The following NGF variants were observed in gnomAD, a reference collection of about 807,000 sequenced individuals.
The protein encoded by NGF is nerve growth factor.
Under a neutral mutation model 12.8 loss-of-function variants are expected in NGF, and 4 were observed. That is an observed-to-expected ratio of 0.31 (90% CI 0.15 to 0.72). The LOEUF (loss-of-function observed/expected upper bound fraction) is 0.72, where lower values mean the gene tolerates loss of function less well. Among genes scored for constraint, NGF ranks in the 30% least tolerant of loss-of-function variants. NGF has a pLI of 0.69. For synonymous variants in NGF, 140 were observed against 130.0 expected, an observed-to-expected ratio of 1.08 and a Z score of -0.52; for missense variants, 283 against 330.8, an observed-to-expected ratio of 0.86 and a Z score of 1.12.
At chr1:115,293,525 T>C (rs1388625351) in intron 2 of NGF, 102 bp downstream of exon 2, 2 of 152,566 alleles carry the variant, frequency 1.3e-5, no homozygotes, top group Admixed American at 6.5e-5. Flanking sequence ...TGCTCAGCAG[T>C]TGGTTCTGAC....
At chr1:115,318,365 T>C (rs1033172332) in intron 1 of NGF, among the ~76,000 whole-genome samples, 2 of 152,088 alleles carry the variant, frequency 1.3e-5, no homozygotes, top group Admixed American at 6.5e-5. Flanking sequence ...ACTCTCACTG[T>C]CTGGGCCAGG....
chr1:115,336,414 A>ATG (rs1364647366), intron 1 of NGF, among the ~76,000 whole-genome samples: 2 of 151,142 alleles, frequency 1.3e-5, no homozygotes, highest in Non-Finnish European at 3.0e-5. Flanking sequence ...GTTTGGCAAC[A>ATG]TGTGGCATTA....
intron 1 of NGF, among the ~76,000 whole-genome samples, chr1:115,337,173 G>C (rs991402587): frequency 2.0e-5 from 3 of 150,132 alleles, no homozygotes; most frequent in Non-Finnish European, 2.9e-5. Context: ...TAGCAAGCAG[G>C]CTCTTTTTTA....
At chr1:115,305,129 A>T (rs185392195) in intron 1 of NGF, among the ~76,000 whole-genome samples, 1 of 152,242 alleles carries the variant, frequency 6.6e-6, no homozygotes, top group African/African-American at 2.4e-5. Context: ...GTCCATTAGC[A>T]TAAACTGTGG....
chr1:115,329,983 T>C (rs1235924415), intron 1 of NGF, among the ~76,000 whole-genome samples: 1 of 152,148 alleles, frequency 6.6e-6, no homozygotes, highest in African/African-American at 2.4e-5. Context: ...CTTAAACTCC[T>C]GTCCTCAAGT....
Position 115,286,773 on chromosome 1 carries a change from A to G in NGF, c.23T>C (p.Leu8Pro). MSMLFYT[L>P]ITAFLIGIQA... ...TATGCCGATCAGAAAAGCTGTGATCAGAGTGTAGAACAACATGGACATTAC... is the reference window on the plus strand; with the variant it reads ...TATGCCGATCAGAAAAGCTGTGATCGGAGTGTAGAACAACATGGACATTAC... Residue 8 changes from leucine to proline, a missense_variant, in exon 3 of 3, where the codon CTG (leucine) becomes CCG (proline). Transcript: ENST00000369512. The G allele has an allele frequency of 6.2e-7, 1 of 1,614,216 alleles. No homozygotes were observed. Among genetic ancestry groups the G allele is most frequent in the Non-Finnish European group, 8.5e-7 (1 of 1,180,040 alleles).
At chr1:115,294,667 G>A (rs2101027113) in intron 1 of NGF, among the ~76,000 whole-genome samples, 1 of 152,372 alleles carries the variant, frequency 6.6e-6, no homozygotes, top group South Asian at 2.1e-4. Flanking sequence ...AGGACGCTCA[G>A]CGAGGAGCTC....
intron 1 of NGF, among the ~76,000 whole-genome samples, chr1:115,330,466 G>T (rs1654887628): frequency 6.6e-6 from 1 of 152,180 alleles, no homozygotes; most frequent in South Asian, 2.1e-4. Context: ...AAACATGCAA[G>T]GTGTTGTGGT....
At chr1:115,292,607 G>A (rs1653737621) in intron 2 of NGF, among the ~76,000 whole-genome samples, 1 of 152,164 alleles carries the variant, frequency 6.6e-6, no homozygotes, top group Non-Finnish European at 1.5e-5. Context: ...GAGTGGCAGG[G>A]CCAGTCCGTG....
rs1223392814 is a variant in NGF, at chr1:115,286,163, C to T, written c.633G>A (p.Leu211=). The change falls in exon 3 of 3, where the codon CTG becomes CTA. Residue 211 remains leucine (L), a synonymous_variant. Coordinates refer to ENST00000369512, the MANE Select transcript of NGF (RefSeq NM_002506.3). ...CTTTHTFVKA[L]TMDGKQAAWR... ...AGGCAGCCTGCTTGCCATCCATGGT[C>T]AGCGCCTTGACAAAGGTGTGAGTCG... 1 of 1,613,988 alleles carries T rather than the reference C, an allele frequency of 6.2e-7. No homozygotes were observed. Among genetic ancestry groups the T allele is most frequent in the Middle Eastern group, 1.7e-4 (1 of 6,058 alleles).
intron 1 of NGF, among the ~76,000 whole-genome samples, chr1:115,332,905 A>G (rs970656763): frequency 3.3e-5 from 5 of 152,160 alleles, no homozygotes; most frequent in Non-Finnish European, 5.9e-5. Flanking sequence ...TGGGGGTTCA[A>G]TACATATCCA....
intron 1 of NGF, among the ~76,000 whole-genome samples, chr1:115,306,169 C>T (rs1654197100): frequency 6.6e-6 from 1 of 152,300 alleles, no homozygotes; most frequent in Middle Eastern, 3.4e-3. Context: ...CTGTTTGTCA[C>T]TTTCTAAAAC....
At chr1:115,310,746 T>G (rs1213204827) in intron 1 of NGF, among the ~76,000 whole-genome samples, 1 of 152,032 alleles carries the variant, frequency 6.6e-6, no homozygotes, top group African/African-American at 2.4e-5. Context: ...AAAGCTCACA[T>G]AAGGTTTGTA....
At chr1:115,304,002 CT>C (rs1294678121) in intron 1 of NGF, among the ~76,000 whole-genome samples, 5 of 151,960 alleles carry the variant, frequency 3.3e-5, no homozygotes, top group African/African-American at 1.2e-4. Context: ...TGTTTTTTTC[CT>C]TTCTTTCTCC....
intron 1 of NGF, among the ~76,000 whole-genome samples, chr1:115,298,458 A>T (rs1034924409): frequency 9.2e-5 from 14 of 152,104 alleles, no homozygotes; most frequent in African/African-American, 3.4e-4. Context: ...AGCCAGGAAG[A>T]TCATAGCAAT....
At chr1:115,329,839 T>G (rs1195166087) in intron 1 of NGF, among the ~76,000 whole-genome samples, 2 of 149,902 alleles carry the variant, frequency 1.3e-5, no homozygotes, top group African/African-American at 4.9e-5. Context: ...AGCCTCAACC[T>G]TCTGGGCTCA....
chr1:115,302,563 C>T (rs1028041974), intron 1 of NGF, among the ~76,000 whole-genome samples: 9 of 152,340 alleles, frequency 5.9e-5, no homozygotes, highest in East Asian at 3.9e-4. Context: ...GGAGACTGCA[C>T]GGTGATAATG....
intron 2 of NGF, among the ~76,000 whole-genome samples, chr1:115,288,277 G>A (rs1653580086): frequency 1.3e-5 from 2 of 152,110 alleles, no homozygotes; most frequent in African/African-American, 4.8e-5. Flanking sequence ...ATTGGGTCTG[G>A]GGGTTAGAAA....
chr1:115,333,678 TTTC>T (rs1557949147), intron 1 of NGF, among the ~76,000 whole-genome samples: 15 of 70,806 alleles, frequency 2.1e-4, no homozygotes, highest in African/African-American at 1.4e-3. Context: ...TCTTTCTTTC[TTTC>T]TTTCTTTCTT....
Sources: gnomAD v4.1 joint callset for allele counts (sites outside exome capture counted in the v4.1 genomes callset) on GRCh38, gnomAD v4.1.1 for gene constraint, MANE v1.5 for transcripts, NCBI Gene and HGNC (gene_info 2026-07-23, HGNC 2026-07-21) for gene names.